The following USP25 variants were observed in gnomAD, a reference collection of about 807,000 sequenced individuals.
USP25 encodes ubiquitin specific peptidase 25.
In USP25, 85 loss-of-function variants were observed where a neutral mutation model predicts 158.5. That is an observed-to-expected ratio of 0.54 (90% CI 0.45 to 0.64). The LOEUF (loss-of-function observed/expected upper bound fraction) is 0.64. Ranked by LOEUF, USP25 falls within the 30% of genes least tolerant of loss-of-function variation. The pLI, the probability that USP25 is intolerant of heterozygous loss-of-function variation, is 0.00. For synonymous variants in USP25, 464 were observed against 460.4 expected (o/e 1.01, Z -0.10); for missense variants, 1,242 against 1,327.3 (o/e 0.94, Z 1.00).
chr21:15,853,318 TG>T (rs2038978796), intron 20 of USP25, among the ~76,000 whole-genome samples: 1 of 151,872 alleles, frequency 6.6e-6, no homozygotes, highest in African/African-American at 2.4e-5. Context: ...GGTACACACA[TG>T]TACACGCACA....
chr21:15,827,457 T>C (rs535999694), intron 14 of USP25, among the ~76,000 whole-genome samples: 2 of 152,260 alleles, frequency 1.3e-5, no homozygotes, highest in Non-Finnish European at 2.9e-5. Flanking sequence ...TTTTCTAGTT[T>C]GCTGCTCTAA....
rs1341062246 is a variant in USP25, at chr21:15,826,327, C to T, written c.1428C>T (p.Ser476=). The T allele has an allele frequency of 6.2e-7, 1 of 1,614,010 alleles. No homozygotes were observed. Among genetic ancestry groups the T allele is most frequent in the Non-Finnish European group, 8.5e-7 (1 of 1,179,922 alleles). Residue 476 remains serine (S), a synonymous_variant, in exon 13 of 26, where the codon TCC becomes TCT. Transcript: ENST00000400183. The surrounding 1 kb of genome is among the most constrained non-coding windows in gnomAD (Gnocchi z 4.8). ...TSPVDDIDAS[S]PPSGSIPSQT... is the part of the protein sequence containing the mutation. ...CTGTTGACGATATTGACGCTAGTTC[C>T]CCACCTAGTGGTTCCATACCATCAC...
chr21:15,748,454 G>GTT lies in USP25; in HGVS notation c.46-14412_46-14411dup, dbSNP rs71331787. Among the ~76,000 whole-genome samples the GTT allele has an allele frequency of 1.3e-3, 104 of 79,012 alleles. 5 individuals are homozygous for GTT. The highest frequency in any genetic ancestry group is 7.6e-3 in the East Asian group (19 of 2,508). 51.8% of individuals were successfully genotyped at this position (79,012 alleles called of 152,430 possible). ...GTACCATCCACCCAGCTACTTTTTA[G>GTT]TTTTTTTTTTTTTTTTTTTTTTTTT... On this transcript the variant is annotated intron_variant, in intron 1 of 25. Coordinates refer to ENST00000400183, the MANE Select transcript of USP25 (RefSeq NM_001283041.3).
chr21:15,824,891 G>T (rs888711830), intron 11 of USP25, 75 bp from the exon 12 acceptor site: 4 of 1,214,652 alleles, frequency 3.3e-6, no homozygotes, highest in Non-Finnish European at 4.8e-6. Flanking sequence ...GGTAGGCCGG[G>T]TACGCTGGCA....
intron 4 of USP25, among the ~76,000 whole-genome samples, chr21:15,787,202 G>GA (rs1019868297): frequency 6.6e-6 from 1 of 152,058 alleles, no homozygotes; most frequent in African/African-American, 2.4e-5. Context: ...CAGACTTACT[G>GA]CAGTCCATGT....
chr21:15,774,484 G>A (rs758012052), intron 3 of USP25, among the ~76,000 whole-genome samples: 3 of 151,970 alleles, frequency 2.0e-5, no homozygotes, highest in Non-Finnish European at 2.9e-5. Context: ...AAAGCAACAG[G>A]CTCACTTTTT....
chr21:15,836,819 C>T (rs1043274440), intron 17 of USP25, among the ~76,000 whole-genome samples: 15 of 133,042 alleles, frequency 1.1e-4, no homozygotes, highest in African/African-American at 3.4e-4. Flanking sequence ...TTTCAGCCAG[C>T]CATCCTTTGC....
intron 20 of USP25, among the ~76,000 whole-genome samples, chr21:15,853,857 C>T (rs1390304478): frequency 6.6e-6 from 1 of 152,042 alleles, no homozygotes; most frequent in Admixed American, 6.6e-5. Flanking sequence ...AGAACTCACT[C>T]GTAAGATCAT....
In USP25 at chr21:15,847,785, T is replaced by C. The variant is rs1296531111; in HGVS notation, c.2451+9T>C. On this transcript the variant is annotated intron_variant, in intron 19 of 25. Coordinates refer to ENST00000400183, the MANE Select transcript of USP25 (RefSeq NM_001283041.3). ...GGGGGTATGATGACGAGGTACCTTT[T>C]ACAGCCCTCTGCACCATTGCTACTT... is the stretch of plus-strand genomic sequence containing the variant. 3 of 1,512,030 alleles carry C rather than the reference T, an allele frequency of 2.0e-6. No homozygotes were observed. The highest frequency in any genetic ancestry group is 2.7e-6 in the Non-Finnish European group (3 of 1,112,164). 93.7% of individuals were successfully genotyped at this position (1,512,030 alleles called of 1,614,324 possible). A position where few individuals can be genotyped will look rare whatever the true frequency, so the allele number is the denominator to read the frequency against.
At chr21:15,840,664 A>C (rs1336654651) in intron 17 of USP25, among the ~76,000 whole-genome samples, 1 of 152,196 alleles carries the variant, frequency 6.6e-6, no homozygotes, top group Non-Finnish European at 1.5e-5. Context: ...CCTTTATGGA[A>C]GGAAACCTTG....
At chr21:15,869,400 T>C (rs529487281) in intron 22 of USP25, among the ~76,000 whole-genome samples, 5 of 152,346 alleles carry the variant, frequency 3.3e-5, no homozygotes, top group Admixed American at 3.3e-4. Flanking sequence ...TTCAGTTATT[T>C]TTCTTGAGTC....
At chr21:15,786,172 C>G (rs1163720202) in intron 4 of USP25, among the ~76,000 whole-genome samples, 1 of 152,082 alleles carries the variant, frequency 6.6e-6, no homozygotes, top group Non-Finnish European at 1.5e-5. Flanking sequence ...ATAAAGATCC[C>G]TAGTTTCTGA....
At position 15,742,107 on chromosome 21, in the gene USP25, C is replaced by CTT. The variant is rs11339410; in HGVS notation, c.45+11683_45+11684dup. Among the ~76,000 whole-genome samples, 1,067 of 140,820 alleles carry CTT rather than the reference C, an allele frequency of 7.6e-3. 10 individuals carry two copies. Among genetic ancestry groups the CTT allele is most frequent in the African/African-American group, 0.024 (940 of 38,468 alleles). 92.4% of individuals were successfully genotyped at this position (140,820 alleles called of 152,430 possible). ...CAGAAATTGGGCAGAAAGATACTTCCTTTTTTTTTTTTTTTAACAGTTTTT... is the reference window on the plus strand; with the variant it reads ...CAGAAATTGGGCAGAAAGATACTTCCTTTTTTTTTTTTTTTTTAACAGTTTTT... On this transcript the variant is annotated intron_variant, in intron 1 of 25. Coordinates refer to ENST00000400183, the MANE Select transcript of USP25 (RefSeq NM_001283041.3).
chr21:15,753,847 A>G, intron 1 of USP25, among the ~76,000 whole-genome samples: 1 of 152,146 alleles, frequency 6.6e-6, no homozygotes, highest in African/African-American at 2.4e-5. Context: ...AGAGACTTGA[A>G]GAAGGGTCAC....
intron 17 of USP25, among the ~76,000 whole-genome samples, chr21:15,840,384 G>A (rs958632495): frequency 6.6e-6 from 1 of 152,104 alleles, no homozygotes; most frequent in African/African-American, 2.4e-5. Flanking sequence ...AGTGAAGTAT[G>A]TAATCTTTTT....
rs541510633 is a variant in USP25 at position 15,803,509 on chromosome 21, A to T, written c.643-1612A>T. On this transcript the variant is annotated intron_variant, in intron 6 of 25. Coordinates refer to ENST00000400183, the MANE Select transcript of USP25 (RefSeq NM_001283041.3). The stretch of plus-strand genomic sequence containing the variant: ...CAGACTAAAGAAGGAAAACCATATT[A>T]TCATCTCTGTGGATGAAGAAAAATG... 2.0e-5 allele frequency among the ~76,000 whole-genome samples: 3 copies of T among 152,014 alleles called. No individual in the cohort carries two copies. In the East Asian group the frequency reaches 5.8e-4, roughly 29 times the overall value.
chr21:15,878,103 A>C, intron 25 of USP25, 112 bp downstream of exon 25: 1 of 1,026,134 alleles, frequency 9.7e-7, no homozygotes, highest in Non-Finnish European at 1.4e-6. Context: ...TTAAGTATTA[A>C]TATTTTCACA....
At chr21:15,866,228 C>A in intron 21 of USP25, 38 bp from the exon 22 acceptor site, 1 of 1,398,074 alleles carries the variant, frequency 7.2e-7, no homozygotes, top group Non-Finnish European at 9.9e-7. Context: ...TATACACACA[C>A]ATACACACAC....
At chr21:15,814,224 C>T (rs547118816) in intron 9 of USP25, among the ~76,000 whole-genome samples, 4 of 151,038 alleles carry the variant, frequency 2.6e-5, no homozygotes, top group African/African-American at 9.7e-5. Context: ...CTTTTGCCTC[C>T]TGCCATGATT....
Sources: allele counts gnomAD v4.1 joint callset (sites outside exome capture counted in the v4.1 genomes callset), GRCh38; gene constraint gnomAD v4.1.1; non-coding constraint Gnocchi (gnomAD v3.1); transcripts MANE v1.5; gene names NCBI Gene and HGNC (gene_info 2026-07-23, HGNC 2026-07-21).